Variants in RANBP2 observed in about 807,000 individuals in gnomAD.
RANBP2 encodes E3 SUMO-protein ligase RanBP2.
In RANBP2, 57 loss-of-function variants were observed where a neutral mutation model predicts 303.6. That is an observed-to-expected ratio of 0.19 (90% CI 0.15 to 0.23). The LOEUF is 0.23. Ranked by LOEUF, RANBP2 falls within the 10% of genes least tolerant of loss-of-function variation. The pLI, the probability that RANBP2 is intolerant of heterozygous loss-of-function variation, is 1.00. For synonymous variants in RANBP2, 1,167 were observed against 1,301.5 expected, an observed-to-expected ratio of 0.90 and a Z score of 2.23; for missense variants, 3,138 against 3,780.8, an observed-to-expected ratio of 0.83 and a Z score of 4.46.
At chr2:108,832,482 G>T in the RANBP2 span, among the ~76,000 whole-genome samples, 1 of 151,416 alleles carries the variant, frequency 6.6e-6, no homozygotes, top group Admixed American at 6.6e-5. Context: ...CAAGTAGCTG[G>T]GATTACAGGC....
the RANBP2 span, among the ~76,000 whole-genome samples, chr2:109,141,270 A>T: frequency 6.6e-6 from 1 of 152,062 alleles, no homozygotes; most frequent in African/African-American, 2.4e-5. Flanking sequence ...GGCCGTGCGC[A>T]TTCCTGGCAA....
chr2:109,183,382 C>T, the RANBP2 span, among the ~76,000 whole-genome samples: 1 of 152,138 alleles, frequency 6.6e-6, no homozygotes, highest in Non-Finnish European at 1.5e-5. Context: ...GGTGAACTCT[C>T]CCTTGCTGCT....
the RANBP2 span, among the ~76,000 whole-genome samples, chr2:109,172,828 A>T: frequency 6.6e-6 from 1 of 152,234 alleles, no homozygotes; most frequent in Non-Finnish European, 1.5e-5. Flanking sequence ...CGAAGCCTCG[A>T]CTGGTGAGTA....
At chr2:109,317,120 G>A in the RANBP2 span, among the ~76,000 whole-genome samples, 1 of 152,044 alleles carries the variant, frequency 6.6e-6, no homozygotes, top group East Asian at 1.9e-4. Flanking sequence ...TTTCATGAGT[G>A]GGTTTCTCAT....
chr2:108,986,680 C>T, the RANBP2 span, among the ~76,000 whole-genome samples: 3 of 152,200 alleles, frequency 2.0e-5, no homozygotes, highest in African/African-American at 4.8e-5. Flanking sequence ...CATGACAACG[C>T]TTTGTAAAGT....
chr2:109,430,667 G>A, the RANBP2 span, among the ~76,000 whole-genome samples: 1 of 152,166 alleles, frequency 6.6e-6, no homozygotes, highest in African/African-American at 2.4e-5. Context: ...TCCCTTAGTG[G>A]TATTTCCTCT....
At chr2:109,093,110 A>G in the RANBP2 span, among the ~76,000 whole-genome samples, 2 of 152,214 alleles carry the variant, frequency 1.3e-5, no homozygotes, top group Admixed American at 1.3e-4. Flanking sequence ...GTTAGCCCTA[A>G]AAGTTATCTT....
chr2:109,314,761 A>C, the RANBP2 span, among the ~76,000 whole-genome samples: 1 of 152,266 alleles, frequency 6.6e-6, no homozygotes, highest in African/African-American at 2.4e-5. Context: ...TCTGTAAATT[A>C]TTTTGCCATT....
the RANBP2 span, among the ~76,000 whole-genome samples, chr2:109,468,636 T>C: frequency 6.6e-6 from 1 of 151,826 alleles, no homozygotes; most frequent in Non-Finnish European, 1.5e-5. Flanking sequence ...GGTGGATCAT[T>C]TGAGGTCAGG....
At chr2:108,797,599 G>A in the RANBP2 span, among the ~76,000 whole-genome samples, 5 of 152,074 alleles carry the variant, frequency 3.3e-5, no homozygotes, top group African/African-American at 1.2e-4. Flanking sequence ...AAATAATAGA[G>A]GGATAATCAG....
the RANBP2 span, among the ~76,000 whole-genome samples, chr2:108,920,151 G>A: frequency 4.6e-5 from 7 of 152,226 alleles, no homozygotes; most frequent in South Asian, 2.1e-4. Context: ...CTCACGTGCC[G>A]TGGAGCCATG....
At chr2:109,251,918 A>C in the RANBP2 span, among the ~76,000 whole-genome samples, 1 of 152,166 alleles carries the variant, frequency 6.6e-6, no homozygotes, top group Non-Finnish European at 1.5e-5. Flanking sequence ...TTATGTTCTT[A>C]AATCGGCAAA....
the RANBP2 span, among the ~76,000 whole-genome samples, chr2:109,526,924 G>A: frequency 6.6e-6 from 1 of 152,138 alleles, no homozygotes; most frequent in Non-Finnish European, 1.5e-5. Context: ...ACTCTAGCAC[G>A]AGGCTCGAGC....
the RANBP2 span, among the ~76,000 whole-genome samples, chr2:109,429,356 A>G: frequency 6.6e-6 from 1 of 152,188 alleles, no homozygotes; most frequent in Non-Finnish European, 1.5e-5. Context: ...AAGTGAAGCT[A>G]GGCTTATTTA....
chr2:109,097,736 G>GGT, the RANBP2 span, among the ~76,000 whole-genome samples: 634 of 146,796 alleles, frequency 4.3e-3, 7 homozygotes, highest in African/African-American at 0.015. Flanking sequence ...ATGTGCTTAG[G>GGT]GTGTGTGTGT....
chr2:109,224,668 G>GC, the RANBP2 span, among the ~76,000 whole-genome samples: 1 of 152,188 alleles, frequency 6.6e-6, no homozygotes, highest in African/African-American at 2.4e-5. Context: ...GACCAACCTA[G>GC]CTAACATGGT....
the RANBP2 span, among the ~76,000 whole-genome samples, chr2:108,849,448 C>T: frequency 6.6e-6 from 1 of 152,098 alleles, no homozygotes; most frequent in Non-Finnish European, 1.5e-5. Context: ...ACACCCTGGC[C>T]ACTGGATTTC....
the RANBP2 span, among the ~76,000 whole-genome samples, chr2:108,835,759 A>G: frequency 1.3e-5 from 2 of 152,244 alleles, no homozygotes; most frequent in African/African-American, 4.8e-5. Flanking sequence ...TTGCAAAACT[A>G]AAACTCAGTA....
chr2:108,811,241 C>G, the RANBP2 span, among the ~76,000 whole-genome samples: 3,153 of 46,784 alleles, frequency 0.067, 160 homozygotes, highest in African/African-American at 0.22. Context: ...CTTTCTTTCT[C>G]TCTCTCTTTT....
Sources: gnomAD v4.1 joint callset for allele counts (sites outside exome capture counted in the v4.1 genomes callset) on GRCh38, gnomAD v4.1.1 for gene constraint, MANE v1.5 for transcripts, NCBI Gene and HGNC (gene_info 2026-07-23, HGNC 2026-07-21) for gene names.